Variants in MIPEP observed in about 807,000 individuals in gnomAD.
MIPEP encodes the protein mitochondrial intermediate peptidase.
In MIPEP, 79 loss-of-function variants were observed where a neutral mutation model predicts 90.3. The observed-to-expected ratio is 0.87, with a 90% CI of 0.73 to 1.05. MIPEP has a LOEUF of 1.05. Among genes scored for constraint, MIPEP ranks in the 50% least tolerant of loss-of-function variants. MIPEP has a pLI of 0.00. For missense variants in MIPEP, 940 were observed against 905.6 expected, an observed-to-expected ratio of 1.04 and a Z score of -0.49; for synonymous variants, 334 against 315.8, an observed-to-expected ratio of 1.06 and a Z score of -0.61.
intron 15 of MIPEP, among the ~76,000 whole-genome samples, chr13:23,809,637 C>T (rs1415943453): frequency 6.6e-6 from 1 of 152,158 alleles, no homozygotes; most frequent in East Asian, 1.9e-4. Flanking sequence ...GCCACTGTGC[C>T]TGGCCAGGAA....
intron 12 of MIPEP, among the ~76,000 whole-genome samples, chr13:23,838,674 G>A (rs1459778405): frequency 6.6e-6 from 1 of 152,160 alleles, no homozygotes; most frequent in African/African-American, 2.4e-5. Flanking sequence ...CACCTAGCTA[G>A]AACTGCCACA....
intron 6 of MIPEP, among the ~76,000 whole-genome samples, 192 bp downstream of exon 6, chr13:23,869,821 A>T (rs1638627275): frequency 1.3e-5 from 2 of 152,240 alleles, no homozygotes; most frequent in Admixed American, 1.3e-4. Context: ...TCTTGTATGA[A>T]ATATAAGTAA....
intron 16 of MIPEP, among the ~76,000 whole-genome samples, chr13:23,770,653 G>A (rs1347902421): frequency 2.0e-5 from 3 of 151,988 alleles, no homozygotes; most frequent in African/African-American, 7.3e-5. Flanking sequence ...CAATTGGGCT[G>A]GAGTCCTCAC....
chr13:23,857,600 T>C (rs1050256755), intron 10 of MIPEP, among the ~76,000 whole-genome samples: 1 of 152,006 alleles, frequency 6.6e-6, no homozygotes, highest in Non-Finnish European at 1.5e-5. Context: ...AAAATAAAAA[T>C]AAAAAATAGT....
chr13:23,875,603 T>G (rs948366636), intron 4 of MIPEP, among the ~76,000 whole-genome samples: 3 of 152,040 alleles, frequency 2.0e-5, no homozygotes, highest in Non-Finnish European at 4.4e-5. Flanking sequence ...AAATATTTGA[T>G]CTACTCTTTT....
rs748615847 is a variant in MIPEP, at chr13:23,806,104, G to A, written c.1729-35C>T. The A allele has an allele frequency of 4.3e-5, 70 of 1,610,876 alleles. No homozygotes were observed. The African/African-American group carries it at 5.6e-4, about 13-fold the overall frequency. ...TAAAAACATCTACTTAGTTTTGGTC[G>A]TCCATCCTCACATCAAGATGTGGTT... On this transcript the variant is annotated intron_variant, in intron 15 of 18. Transcript: ENST00000382172.
At chr13:23,793,256 G>C (rs535797268) in intron 16 of MIPEP, among the ~76,000 whole-genome samples, 1 of 152,262 alleles carries the variant, frequency 6.6e-6, no homozygotes, top group Admixed American at 6.5e-5. Context: ...CAATGAAAAG[G>C]AACAGATTAC....
At chr13:23,836,704 A>T (rs9318069) in intron 13 of MIPEP, among the ~76,000 whole-genome samples, 4,126 of 152,340 alleles carry the variant, frequency 0.027, 192 homozygotes, top group African/African-American at 0.09. Flanking sequence ...TTAATTCACT[A>T]AATTCCATTA....
At chr13:23,868,492 T>C (rs1870641230) in intron 7 of MIPEP, among the ~76,000 whole-genome samples, 7 of 152,276 alleles carry the variant, frequency 4.6e-5, no homozygotes, top group Admixed American at 2.6e-4. Flanking sequence ...GGTTGTGATC[T>C]GCCCCCAGTG....
chr13:23,773,638 CTTT>C (rs1393415740), intron 16 of MIPEP, among the ~76,000 whole-genome samples: 1 of 152,182 alleles, frequency 6.6e-6, no homozygotes, highest in Non-Finnish European at 1.5e-5. Flanking sequence ...TACTGCCCAT[CTTT>C]TTATTATATC....
intron 10 of MIPEP, among the ~76,000 whole-genome samples, chr13:23,842,808 A>T (rs1869359621): frequency 6.6e-6 from 1 of 152,216 alleles, no homozygotes; most frequent in Non-Finnish European, 1.5e-5. Flanking sequence ...ATAGGAATCA[A>T]GAAAGAATCG....
intron 16 of MIPEP, among the ~76,000 whole-genome samples, chr13:23,769,426 C>A (rs1952626796): frequency 6.6e-6 from 1 of 152,170 alleles, no homozygotes; most frequent in Non-Finnish European, 1.5e-5. Context: ...GACATGAGTG[C>A]CCTTTGTAGA....
chr13:23,837,827 A>G, intron 12 of MIPEP, 71 bp from the exon 13 acceptor site: 1 of 1,234,860 alleles, frequency 8.1e-7, no homozygotes, highest in South Asian at 1.4e-5. Context: ...AGTCTTAATG[A>G]ATATAAAATT....
At chr13:23,744,466 C>T (rs1952364286) in intron 18 of MIPEP, among the ~76,000 whole-genome samples, 1 of 152,190 alleles carries the variant, frequency 6.6e-6, no homozygotes, top group Non-Finnish European at 1.5e-5. Flanking sequence ...ATTACCAGCC[C>T]ACACAGGTGA....
intron 14 of MIPEP, among the ~76,000 whole-genome samples, chr13:23,831,404 A>C: frequency 8.5e-6 from 1 of 117,658 alleles, no homozygotes; most frequent in African/African-American, 3.8e-5. Flanking sequence ...TGTGGATGGG[A>C]ATTGCCTTAC....
chr13:23,796,595 C>A (rs200182368), intron 16 of MIPEP, among the ~76,000 whole-genome samples: 46 of 145,004 alleles, frequency 3.2e-4, no homozygotes, highest in Admixed American at 4.1e-4. Context: ...AAAAAAAAAA[C>A]AAAAAAACTC....
At chr13:23,764,568 A>AT (rs1417583009) in intron 16 of MIPEP, among the ~76,000 whole-genome samples, 1 of 152,090 alleles carries the variant, frequency 6.6e-6, no homozygotes, top group Non-Finnish European at 1.5e-5. Context: ...CTCTTTTTAA[A>AT]TTTTTTTAGA....
At chr13:23,738,785 C>T (rs923181188) in intron 18 of MIPEP, among the ~76,000 whole-genome samples, 6 of 152,076 alleles carry the variant, frequency 3.9e-5, no homozygotes, top group African/African-American at 1.4e-4. Flanking sequence ...ATCCAGTGGA[C>T]CTAAAAGTGG....
chr13:23,864,511 G>A (rs1292023247), intron 7 of MIPEP, among the ~76,000 whole-genome samples: 1 of 151,966 alleles, frequency 6.6e-6, no homozygotes, highest in Non-Finnish European at 1.5e-5. Context: ...GGCAGGGGGT[G>A]GATCACCTGA....
Sources: allele counts gnomAD v4.1 joint callset (sites outside exome capture counted in the v4.1 genomes callset), GRCh38; gene constraint gnomAD v4.1.1; transcripts MANE v1.5; gene names NCBI Gene and HGNC (gene_info 2026-07-23, HGNC 2026-07-21).